The following GRID1 variants were observed in gnomAD, a reference collection of about 807,000 sequenced individuals.
GRID1 encodes glutamate receptor ionotropic, delta-1.
Under a neutral mutation model 98.0 loss-of-function variants are expected in GRID1, and 28 were observed. The observed-to-expected ratio is 0.29, with a 90% CI of 0.21 to 0.39. GRID1 has a LOEUF of 0.39. Ranked by LOEUF, GRID1 falls within the 10% of genes least tolerant of loss-of-function variation. The pLI is 1.00. For missense variants in GRID1, 1,111 were observed against 1,340.5 expected (o/e 0.83, Z 2.67); for synonymous variants, 553 against 538.5 (o/e 1.03, Z -0.37).
At chr10:85,945,170 A>G (rs1842040443) in intron 4 of GRID1, among the ~76,000 whole-genome samples, 1 of 152,220 alleles carries the variant, frequency 6.6e-6, no homozygotes, top group African/African-American at 2.4e-5. Context: ...ATGCACATGA[A>G]TTACTATAGA....
intron 3 of GRID1, among the ~76,000 whole-genome samples, chr10:86,145,146 A>T (rs1054439941): frequency 3.9e-5 from 6 of 152,268 alleles, no homozygotes; most frequent in Non-Finnish European, 8.8e-5. Flanking sequence ...CAAGTTGCAA[A>T]CAAAAAGTCT....
intron 2 of GRID1, among the ~76,000 whole-genome samples, chr10:86,304,569 A>G (rs115770204): frequency 9.2e-4 from 140 of 152,352 alleles, no homozygotes; most frequent in Middle Eastern, 3.4e-3. Flanking sequence ...AGGGCTGCTG[A>G]CAGAGGCCCC....
At chr10:85,873,058 C>T (rs115325061) in intron 5 of GRID1, among the ~76,000 whole-genome samples, 183 of 152,314 alleles carry the variant, frequency 1.2e-3, no homozygotes, top group African/African-American at 4.2e-3. Context: ...CCAGGCCCTG[C>T]TCTTGTCCTG....
chr10:85,769,490 G>C lies in GRID1; in HGVS notation c.1234-39876C>G, dbSNP rs181527011. Among the ~76,000 whole-genome samples, 529 of 152,306 alleles carry C rather than the reference G, an allele frequency of 3.5e-3. 5 individuals are homozygous for C. Among genetic ancestry groups the C allele is most frequent in the African/African-American group, 0.012 (507 of 41,572 alleles). On this transcript the variant is annotated intron_variant, in intron 8 of 15. Coordinates refer to ENST00000327946, the MANE Select transcript of GRID1 (RefSeq NM_017551.3). ...CAGTGGGTGCAGGACAGTGGGTGCA[G>C]CACACCATGTGCGAGCCGAAGCAGG... is the stretch of plus-strand genomic sequence containing the variant.
chr10:85,976,821 A>G (rs527832874), intron 4 of GRID1, among the ~76,000 whole-genome samples: 1 of 152,328 alleles, frequency 6.6e-6, no homozygotes, highest in East Asian at 1.9e-4. Context: ...CAAAGGCCCC[A>G]CAGGACAGGC....
At chr10:86,068,705 C>A (rs371656307) in intron 4 of GRID1, among the ~76,000 whole-genome samples, 1 of 152,184 alleles carries the variant, frequency 6.6e-6, no homozygotes, top group Non-Finnish European at 1.5e-5. Flanking sequence ...CTGTGATGAG[C>A]GTCTAGGGAG....
chr10:85,619,786 T>C (rs1017029363), intron 14 of GRID1, 81 bp downstream of exon 14: 1 of 1,095,200 alleles, frequency 9.1e-7, no homozygotes, highest in African/African-American at 1.6e-5. Flanking sequence ...GCATTGGCTC[T>C]TATCTTCTAA....
At chr10:85,829,556 A>G (rs779844171) in intron 8 of GRID1, among the ~76,000 whole-genome samples, 3 of 152,160 alleles carry the variant, frequency 2.0e-5, no homozygotes, top group Admixed American at 6.5e-5. Flanking sequence ...AAAACCCCAT[A>G]GTCTCTCCCA....
At chr10:86,161,360 G>A (rs940565472) in intron 3 of GRID1, among the ~76,000 whole-genome samples, 4 of 152,112 alleles carry the variant, frequency 2.6e-5, no homozygotes, top group African/African-American at 9.7e-5. Flanking sequence ...GAGTGACTCA[G>A]CCTGAGAAGC....
chr10:86,025,267 G>A (rs1424160151), intron 4 of GRID1, among the ~76,000 whole-genome samples: 1 of 152,186 alleles, frequency 6.6e-6, no homozygotes, highest in East Asian at 1.9e-4. Flanking sequence ...GGGAGCACTA[G>A]GTAATATAAT....
At chr10:85,766,284 G>A (rs1040983239) in intron 8 of GRID1, among the ~76,000 whole-genome samples, 9 of 152,162 alleles carry the variant, frequency 5.9e-5, no homozygotes, top group East Asian at 1.9e-4. Flanking sequence ...CCAAGAGTTC[G>A]AGACCAGCTT....
intron 2 of GRID1, among the ~76,000 whole-genome samples, chr10:86,294,826 T>C (rs1847564035): frequency 6.6e-6 from 1 of 152,006 alleles, no homozygotes; most frequent in African/African-American, 2.4e-5. Flanking sequence ...AGACAGATGA[T>C]TAAAGTTGGG....
At chr10:86,129,988 C>T (rs775836406) in intron 4 of GRID1, among the ~76,000 whole-genome samples, 7 of 152,238 alleles carry the variant, frequency 4.6e-5, no homozygotes, top group South Asian at 2.1e-4. Context: ...CCTGGAACTC[C>T]GCTGCTGCCA....
chr10:85,798,438 A>G (rs1046855576), intron 8 of GRID1, among the ~76,000 whole-genome samples: 2 of 152,208 alleles, frequency 1.3e-5, no homozygotes, highest in African/African-American at 4.8e-5. Flanking sequence ...TTTTTTGAGG[A>G]AACACCAAAC....
intron 8 of GRID1, among the ~76,000 whole-genome samples, chr10:85,739,903 T>A (rs1000443559): frequency 2.0e-5 from 3 of 152,218 alleles, no homozygotes; most frequent in African/African-American, 7.2e-5. Context: ...TATAAGTAGC[T>A]GTTTCTGGCA....
intron 5 of GRID1, among the ~76,000 whole-genome samples, chr10:85,877,629 A>G (rs973645482): frequency 1.3e-5 from 2 of 152,202 alleles, no homozygotes; most frequent in African/African-American, 4.8e-5. Flanking sequence ...GTACGTCACC[A>G]TCATCAAAGA....
At chr10:86,211,493 TG>T (rs1846107544) in intron 2 of GRID1, among the ~76,000 whole-genome samples, 1 of 152,072 alleles carries the variant, frequency 6.6e-6, no homozygotes, top group African/African-American at 2.4e-5. Context: ...ATTGGGGGTG[TG>T]GGGGGTGCCC....
chr10:86,270,542 T>A (rs555929090), intron 2 of GRID1, among the ~76,000 whole-genome samples: 1 of 152,038 alleles, frequency 6.6e-6, no homozygotes, highest in Admixed American at 6.5e-5. Flanking sequence ...ACACAAAAAT[T>A]AGCCAGGTGT....
intron 8 of GRID1, among the ~76,000 whole-genome samples, chr10:85,844,593 G>A (rs1215662873): frequency 6.6e-6 from 1 of 152,040 alleles, no homozygotes; most frequent in Non-Finnish European, 1.5e-5. Context: ...TAAAGGGTAT[G>A]CTGGATCTCT....
Sources: gnomAD v4.1 joint callset for allele counts (sites outside exome capture counted in the v4.1 genomes callset) on GRCh38, gnomAD v4.1.1 for gene constraint, MANE v1.5 for transcripts, NCBI Gene and HGNC (gene_info 2026-07-23, HGNC 2026-07-21) for gene names.